The following SNRPD3 variants were observed in gnomAD, a reference collection of about 807,000 sequenced individuals.
The protein encoded by SNRPD3 is small nuclear ribonucleoprotein Sm D3.
For missense variants in SNRPD3, 73 were observed against 167.5 expected (o/e 0.44, Z 3.11); for synonymous variants, 66 against 58.4 (o/e 1.13, Z -0.59).
Position 24,573,653 on chromosome 22 carries a change from T to G in SNRPD3, c.*1676T>G, listed in dbSNP as rs954699071. Among the ~76,000 whole-genome samples the G allele has an allele frequency of 6.6e-6, 1 of 152,244 alleles. No individual in the cohort carries two copies. Among genetic ancestry groups the G allele is most frequent in the Non-Finnish European group, 1.5e-5 (1 of 68,014 alleles). On this transcript the variant is annotated 3_prime_UTR_variant, in exon 4 of 4. Coordinates refer to ENST00000215829, the MANE Select transcript of SNRPD3 (RefSeq NM_004175.5). ...ACTTTGGGAGGTCGAGGCGGGAGGA[T>G]CACTTGAACCTAGGAGTTTGAGACT...
At position 24,556,002 on chromosome 22, in the gene SNRPD3, C is replaced by T. The variant is rs1001385860; in HGVS notation, c.-88C>T. The T allele has an allele frequency of 6.1e-6, 4 of 658,902 alleles. No individual in the cohort carries two copies. Among genetic ancestry groups the T allele is most frequent in the Admixed American group, 5.6e-5 (2 of 35,664 alleles). 40.8% of individuals were successfully genotyped at this position (658,902 alleles called of 1,614,324 possible). A position where few individuals can be genotyped will look rare whatever the true frequency, so the allele number is the denominator to read the frequency against. Reference sequence around the variant, plus strand: ...AATTCTGGGTGTTAGGCCCGCCATTCGCTTGACTCACGCCTTCGCCGTAGC... The same window carrying T: ...AATTCTGGGTGTTAGGCCCGCCATTTGCTTGACTCACGCCTTCGCCGTAGC... On this transcript the variant is annotated 5_prime_UTR_variant, in exon 1 of 4. Coordinates refer to ENST00000215829, the MANE Select transcript of SNRPD3 (RefSeq NM_004175.5).
rs970582163 is a variant in SNRPD3 at position 24,573,840 on chromosome 22, C to T, written c.*1863C>T. On this transcript the variant is annotated 3_prime_UTR_variant, in exon 4 of 4. Transcript: ENST00000215829. Reference sequence around the variant, plus strand: ...AGGCTGCAGTGAGCTATAATTGCACCACTGCACTCCAGCCTGGATGACAGT... The same window carrying T: ...AGGCTGCAGTGAGCTATAATTGCACTACTGCACTCCAGCCTGGATGACAGT... 1.3e-5 allele frequency among the ~76,000 whole-genome samples: 2 copies of T among 152,182 alleles called. No individual in the cohort carries two copies. The highest frequency in any genetic ancestry group is 4.8e-5 in the African/African-American group (2 of 41,434).
intron 3 of SNRPD3, among the ~76,000 whole-genome samples, chr22:24,570,963 C>T (rs1260833172): frequency 1.3e-5 from 2 of 151,848 alleles, no homozygotes; most frequent in African/African-American, 2.4e-5. Flanking sequence ...GGATTACAGG[C>T]GCATACCACC....
At chr22:24,567,958 C>T (rs1254247240) in intron 2 of SNRPD3, 26 bp from the exon 3 acceptor site, 1 of 1,575,466 alleles carries the variant, frequency 6.3e-7, no homozygotes, top group Admixed American at 1.8e-5. Context: ...TGACCGTTAA[C>T]TTATTAGCTG....
At chr22:24,567,434 G>GT (rs1243683944) in intron 2 of SNRPD3, among the ~76,000 whole-genome samples, 1 of 152,094 alleles carries the variant, frequency 6.6e-6, no homozygotes, top group Admixed American at 6.6e-5. Context: ...AACTGCTTTG[G>GT]TTTTTTTAAC....
chr22:24,569,176 G>C (rs964375491), intron 3 of SNRPD3, among the ~76,000 whole-genome samples: 2 of 152,172 alleles, frequency 1.3e-5, no homozygotes, highest in African/African-American at 2.4e-5. Context: ...ACTTAGGGAG[G>C]TCTGATAGTG....
At chr22:24,563,483 G>T (rs958846961) in intron 2 of SNRPD3, among the ~76,000 whole-genome samples, 2 of 151,994 alleles carry the variant, frequency 1.3e-5, no homozygotes, top group Non-Finnish European at 2.9e-5. Flanking sequence ...GGCCAGTGCT[G>T]CAGGATAGGG....
chr22:24,572,090 CA>C lies in SNRPD3; in HGVS notation c.*114del, dbSNP rs2045255599. ...TCTTTTGCCATCTTTCTCTTTAGATCAGGGGAAATGTTTAAGCTAAATAAAT... is the reference window on the plus strand; with the variant it reads ...TCTTTTGCCATCTTTCTCTTTAGATCGGGGAAATGTTTAAGCTAAATAAAT... On this transcript the variant is annotated 3_prime_UTR_variant, in exon 4 of 4. Coordinates refer to ENST00000215829, the MANE Select transcript of SNRPD3 (RefSeq NM_004175.5). The C allele has an allele frequency of 1.9e-6, 3 of 1,551,114 alleles. No homozygotes were observed. Among genetic ancestry groups the C allele is most frequent in the East Asian group, 2.4e-5 (1 of 41,186 alleles).
chr22:24,560,953 G>A (rs2045135384), intron 2 of SNRPD3, among the ~76,000 whole-genome samples: 1 of 150,560 alleles, frequency 6.6e-6, no homozygotes, highest in Non-Finnish European at 1.5e-5. Context: ...TGCCCAGGCT[G>A]GTCTCTAACT....
At chr22:24,563,741 C>G (rs998593187) in intron 2 of SNRPD3, among the ~76,000 whole-genome samples, 44 of 152,152 alleles carry the variant, frequency 2.9e-4, no homozygotes. Flanking sequence ...GGGGCTTCAA[C>G]ATGACCACCC....
At chr22:24,556,383 T>C (rs958620981) in intron 1 of SNRPD3, among the ~76,000 whole-genome samples, 4 of 151,814 alleles carry the variant, frequency 2.6e-5, no homozygotes, top group Admixed American at 1.3e-4. Flanking sequence ...TTTGTTTTTT[T>C]TTTTTTAAGT....
chr22:24,569,472 A>G (rs2045228414), intron 3 of SNRPD3, among the ~76,000 whole-genome samples: 1 of 152,126 alleles, frequency 6.6e-6, no homozygotes, highest in Admixed American at 6.5e-5. Context: ...AAAAAGTCAA[A>G]CTGTGTTTTT....
chr22:24,566,377 TC>T (rs1306180163), intron 2 of SNRPD3, among the ~76,000 whole-genome samples: 1 of 152,126 alleles, frequency 6.6e-6, no homozygotes, highest in African/African-American at 2.4e-5. Context: ...AACCAAGTGA[TC>T]CTTTCACCTC....
intron 3 of SNRPD3, 32 bp downstream of exon 3, chr22:24,568,208 A>G (rs763828104): frequency 9.6e-6 from 15 of 1,560,492 alleles, no homozygotes; most frequent in African/African-American, 9.5e-5. Flanking sequence ...GTTTTAAAAT[A>G]TAGGTTTGTC....
intron 3 of SNRPD3, among the ~76,000 whole-genome samples, chr22:24,571,436 CT>C (rs2045248686): frequency 6.6e-6 from 1 of 152,140 alleles, no homozygotes; most frequent in Non-Finnish European, 1.5e-5. Context: ...TCCATCCCCC[CT>C]GTTAAATGCA....
upstream of SNRPD3, chr22:24,555,812 C>T: frequency 4.5e-6 from 7 of 1,547,570 alleles, no homozygotes; most frequent in African/African-American, 1.4e-5. Flanking sequence ...GCGGCGGCCC[C>T]CGGGCCCAGT....
intron 2 of SNRPD3, among the ~76,000 whole-genome samples, chr22:24,565,994 T>G (rs1240669570): frequency 6.6e-6 from 1 of 152,228 alleles, no homozygotes; most frequent in Non-Finnish European, 1.5e-5. Flanking sequence ...GCCTGAGTTG[T>G]ATCCAGTTTC....
intron 2 of SNRPD3, among the ~76,000 whole-genome samples, chr22:24,560,090 ATTTTTTT>A (rs71189257): frequency 5.6e-5 from 5 of 89,266 alleles, no homozygotes; most frequent in Non-Finnish European, 1.0e-4. Flanking sequence ...TTTATAAAGA[ATTTTTTT>A]TTTTTTTTTT....
intron 1 of SNRPD3, 60 bp from the exon 2 acceptor site, chr22:24,557,597 T>G: frequency 8.2e-7 from 1 of 1,222,400 alleles, no homozygotes; most frequent in Non-Finnish European, 1.2e-6. Context: ...AAGCATGATG[T>G]GTGCCACATG....
Sources: allele counts gnomAD v4.1 joint callset (sites outside exome capture counted in the v4.1 genomes callset), GRCh38; gene constraint gnomAD v4.1.1; transcripts MANE v1.5; gene names NCBI Gene and HGNC (gene_info 2026-07-23, HGNC 2026-07-21).